GTSF1: variants seen among roughly 807,000 people sequenced by gnomAD.
The protein encoded by GTSF1 is gametocyte-specific factor 1.
Under a neutral mutation model 28.9 loss-of-function variants are expected in GTSF1, and 11 were observed. The ratio of observed to expected loss-of-function variants is 0.38; its 90% confidence interval spans 0.24 to 0.63. The LOEUF is 0.63. Ranked by LOEUF, GTSF1 falls within the 30% of genes least tolerant of loss-of-function variation. The probability of loss-of-function intolerance (pLI) is 0.56; values close to 1 mark genes in which losing one functional copy is unlikely to be tolerated. For missense variants in GTSF1, 146 were observed against 201.0 expected (o/e 0.73, Z 1.66); for synonymous variants, 69 against 65.6 (o/e 1.05, Z -0.25).
intron 3 of GTSF1, among the ~76,000 whole-genome samples, chr12:54,464,153 T>C (rs1956471891): frequency 1.3e-5 from 2 of 152,196 alleles, no homozygotes; most frequent in African/African-American, 4.8e-5. Context: ...AGGCATTCAA[T>C]ACAAAGGTTT....
chr12:54,462,796 C>T lies in GTSF1; in HGVS notation c.245-71G>A, dbSNP rs1956446248. ...TTATTGTGTTCAAAGGGGCTAGTAG[C>T]TTAAAAGGTTGCAAGGGTAGCCTGT... On this transcript the variant is annotated intron_variant, in intron 4 of 8. Transcript: ENST00000305879. 30 of 1,252,748 alleles carry T rather than the reference C, an allele frequency of 2.4e-5. No homozygotes were observed. In the South Asian group the frequency reaches 3.7e-4, roughly 15 times the overall value. 77.6% of individuals were successfully genotyped at this position (1,252,748 alleles called of 1,614,324 possible).
chr12:54,461,930 C>G (rs1294605312), intron 6 of GTSF1, among the ~76,000 whole-genome samples, 179 bp downstream of exon 6: 1 of 152,156 alleles, frequency 6.6e-6, no homozygotes, highest in Non-Finnish European at 1.5e-5. Context: ...TGGCACAAAG[C>G]ACATGACCTT....
intron 6 of GTSF1, 95 bp downstream of exon 6, chr12:54,462,014 A>T: frequency 1.2e-6 from 1 of 838,754 alleles, no homozygotes; most frequent in Non-Finnish European, 2.0e-6. Flanking sequence ...GAACATCGTT[A>T]AAGAAAGTGG....
chr12:54,462,717 T>C lies in GTSF1; in HGVS notation c.253A>G (p.Thr85Ala). The C allele has an allele frequency of 1.2e-6, 2 of 1,613,658 alleles. No homozygotes were observed. The highest frequency in any genetic ancestry group is 1.3e-5 in the African/African-American group (1 of 75,026). The change falls in exon 5 of 9, where the codon ACC becomes GCC. Residue 85 changes from threonine to alanine, a missense_variant. Transcript: ENST00000305879. ...AGAGTCTCTTGTCTAAGGCTCCTGG[T>C]TTGGTTGACTGCAAGACAATAAAGA... ...SCIEQDVVNQ[T>A]RSLRQETLAE...
At chr12:54,472,028 T>C (rs139190246) in intron 1 of GTSF1, 3 of 152,350 alleles carry the variant, frequency 2.0e-5, no homozygotes, top group African/African-American at 7.2e-5. Context: ...GCCTGGACAA[T>C]GGAGTGAGAT....
chr12:54,466,269 A>C (rs1956511274), intron 2 of GTSF1, among the ~76,000 whole-genome samples: 1 of 152,246 alleles, frequency 6.6e-6, no homozygotes, highest in African/African-American at 2.4e-5. Context: ...GCAATGATAA[A>C]AGTGAAATAA....
At chr12:54,467,192 AT>A (rs1344755922) in intron 2 of GTSF1, among the ~76,000 whole-genome samples, 2 of 152,116 alleles carry the variant, frequency 1.3e-5, no homozygotes, top group Non-Finnish European at 2.9e-5. Flanking sequence ...GTCTGACTAG[AT>A]ACATCATATA....
rs144596419 is a variant in GTSF1, at chr12:54,458,862, T to C, written c.*20+227A>G. Among the ~76,000 whole-genome samples the C allele has an allele frequency of 6.1e-3, 911 of 150,428 alleles. 4 individuals are homozygous for C. Among genetic ancestry groups the C allele is most frequent in the Non-Finnish European group, 0.011 (741 of 67,736 alleles). Reference sequence around the variant, plus strand: ...AAAAAAAAGGCAATGTGTACTAATGTTAGAGAAAACAAATTGGCATGTTAA... The same window carrying C: ...AAAAAAAAGGCAATGTGTACTAATGCTAGAGAAAACAAATTGGCATGTTAA... On this transcript the variant is annotated intron_variant, in intron 8 of 8. Transcript: ENST00000305879.
chr12:54,457,601 A>G (rs1270437366), intron 8 of GTSF1, among the ~76,000 whole-genome samples: 1 of 152,142 alleles, frequency 6.6e-6, no homozygotes, highest in African/African-American at 2.4e-5. Context: ...TGTTTAAGAC[A>G]CGAGGTCTCA....
chr12:54,459,460 G>T, intron 7 of GTSF1: 1 of 1,320,118 alleles, frequency 7.6e-7, no homozygotes, highest in African/African-American at 1.5e-5. Context: ...GAATCTAGGG[G>T]CAACATTGGA....
At chr12:54,470,474 T>C (rs906738279) in intron 2 of GTSF1, among the ~76,000 whole-genome samples, 3 of 152,228 alleles carry the variant, frequency 2.0e-5, no homozygotes, top group African/African-American at 4.8e-5. Context: ...GGACTCTTCC[T>C]AGAGGGTAGA....
At chr12:54,466,457 T>C (rs915950314) in intron 2 of GTSF1, among the ~76,000 whole-genome samples, 4 of 152,134 alleles carry the variant, frequency 2.6e-5, no homozygotes, top group Non-Finnish European at 4.4e-5. Flanking sequence ...ACAGAATGAA[T>C]AGGAAGGAAA....
chr12:54,461,437 C>A (rs1462686054), intron 6 of GTSF1, among the ~76,000 whole-genome samples: 1 of 151,986 alleles, frequency 6.6e-6, no homozygotes, highest in Admixed American at 6.6e-5. Flanking sequence ...CTTTGGGAGG[C>A]AGAGGGGGGA....
At chr12:54,465,223 C>T (rs1592320625) in intron 2 of GTSF1, 56 bp from the exon 3 acceptor site, 2 of 1,141,906 alleles carry the variant, frequency 1.8e-6, no homozygotes, top group East Asian at 2.4e-5. Flanking sequence ...TGTAAAACTA[C>T]AGCATTCCAG....
At chr12:54,459,666 TC>T (rs1460678284) in intron 7 of GTSF1, 1 of 232,022 alleles carries the variant, frequency 4.3e-6, no homozygotes, top group Non-Finnish European at 8.6e-6. Context: ...TCTACTCATT[TC>T]CTTTTAGGCC....
intron 4 of GTSF1, 141 bp downstream of exon 4, chr12:54,463,030 G>T (rs971394360): frequency 1.3e-6 from 1 of 772,194 alleles, no homozygotes; most frequent in Non-Finnish European, 2.0e-6. Context: ...ACCTATTGCT[G>T]CCATGATACA....
In GTSF1 at chr12:54,470,656, G is replaced by C. The variant is rs79757737; in HGVS notation, c.16+577C>G. On this transcript the variant is annotated intron_variant, in intron 2 of 8. Transcript: ENST00000305879. ...AGAACAGAGCCTGTGGTGTCATGTAGGGTACTAGGTATAAACAATATAGAA... is the reference window on the plus strand; with the variant it reads ...AGAACAGAGCCTGTGGTGTCATGTACGGTACTAGGTATAAACAATATAGAA... 1.8e-4 allele frequency among the ~76,000 whole-genome samples: 27 copies of C among 152,290 alleles called. No homozygotes were observed. The East Asian group carries it at 5.2e-3, about 29-fold the overall frequency.
At chr12:54,463,401 A>G in intron 3 of GTSF1, 104 bp from the exon 4 acceptor site, 2 of 1,040,124 alleles carry the variant, frequency 1.9e-6, no homozygotes, top group Non-Finnish European at 2.9e-6. Flanking sequence ...AAATTCCTCA[A>G]TAAACTTCTG....
chr12:54,467,129 A>T (rs1377353905), intron 2 of GTSF1: 1 of 152,122 alleles, frequency 6.6e-6, no homozygotes, highest in African/African-American at 2.4e-5. Flanking sequence ...TCAGCTCTCC[A>T]TTCCCCACTG....
Sources: allele counts gnomAD v4.1 joint callset (sites outside exome capture counted in the v4.1 genomes callset), GRCh38; gene constraint gnomAD v4.1.1; transcripts MANE v1.5; gene names NCBI Gene and HGNC (gene_info 2026-07-23, HGNC 2026-07-21).